PTPRG: variants seen among roughly 807,000 people sequenced by gnomAD.
PTPRG encodes protein tyrosine phosphatase receptor type G, also known as receptor-type tyrosine-protein phosphatase gamma.
In PTPRG, 102 loss-of-function variants were observed where a neutral mutation model predicts 165.3. That is an observed-to-expected ratio of 0.62 (90% CI 0.53 to 0.73). PTPRG has a LOEUF of 0.73. Ranked by LOEUF, PTPRG falls within the 30% of genes least tolerant of loss-of-function variation. The probability of loss-of-function intolerance (pLI) is 0.00; values close to 1 mark genes in which losing one functional copy is unlikely to be tolerated. For synonymous variants in PTPRG, 675 were observed against 669.5 expected, an observed-to-expected ratio of 1.01 and a Z score of -0.13; for missense variants, 1,866 against 1,861.4, an observed-to-expected ratio of 1.00 and a Z score of -0.05.
At chr3:61,786,245 G>A (rs534418482) in intron 2 of PTPRG, among the ~76,000 whole-genome samples, 271 of 152,314 alleles carry the variant, frequency 1.8e-3, no homozygotes, top group Non-Finnish European at 3.1e-3. Context: ...TTGGCCAATG[G>A]ACACTTTAGC....
chr3:62,292,574 GT>G lies in PTPRG; in HGVS notation c.4191+19del, dbSNP rs1702936817. ...CAGACATTGTAAGTAGTTTGCTTAT[GT>G]GTAAAACCTGTACTACATCAGTTGA... On this transcript the variant is annotated intron_variant, in intron 29 of 29. Coordinates refer to ENST00000474889, the MANE Select transcript of PTPRG (RefSeq NM_002841.4). 6.2e-7 allele frequency: 1 copy of G among 1,611,244 alleles called. No homozygotes were observed. The highest frequency in any genetic ancestry group is 1.3e-5 in the African/African-American group (1 of 74,796).
intron 5 of PTPRG, among the ~76,000 whole-genome samples, chr3:62,092,766 A>G (rs920784202): frequency 3.3e-5 from 5 of 152,212 alleles, no homozygotes; most frequent in African/African-American, 9.6e-5. Flanking sequence ...ACTGGTATGT[A>G]GTAAGTCCTC....
chr3:61,659,519 A>C (rs1702601409), intron 1 of PTPRG: 1 of 923,446 alleles, frequency 1.1e-6, no homozygotes, highest in Non-Finnish European at 1.3e-6. Context: ...CCTGATTTTG[A>C]GTGTTCATTT....
chr3:62,035,091 G>T (rs911187292), intron 4 of PTPRG, among the ~76,000 whole-genome samples: 1 of 152,052 alleles, frequency 6.6e-6, no homozygotes, highest in African/African-American at 2.4e-5. Context: ...TCAGGGAATG[G>T]CAAAACCCTC....
intron 2 of PTPRG, chr3:61,751,168 A>G (rs2033412591): frequency 6.6e-6 from 1 of 152,224 alleles, no homozygotes; most frequent in Non-Finnish European, 1.5e-5. Flanking sequence ...TCTCATGTCA[A>G]GAAGGCTTGG....
intron 10 of PTPRG, among the ~76,000 whole-genome samples, chr3:62,196,817 G>T (rs1470728848): frequency 6.6e-6 from 1 of 152,150 alleles, no homozygotes; most frequent in Non-Finnish European, 1.5e-5. Flanking sequence ...TGAAGGTTTG[G>T]ACATTTTCCC....
At chr3:61,861,301 GT>G (rs2037263484) in intron 2 of PTPRG, among the ~76,000 whole-genome samples, 1 of 151,980 alleles carries the variant, frequency 6.6e-6, no homozygotes, top group African/African-American at 2.4e-5. Context: ...CTTTTTCTTA[GT>G]GGGGAAAAAA....
At chr3:61,910,451 T>C (rs573238073) in intron 2 of PTPRG, among the ~76,000 whole-genome samples, 1 of 152,262 alleles carries the variant, frequency 6.6e-6, no homozygotes, top group South Asian at 2.1e-4. Context: ...AACTCACTGT[T>C]TTACCTTGCC....
intron 4 of PTPRG, among the ~76,000 whole-genome samples, chr3:62,052,548 A>G (rs1365537191): frequency 6.6e-6 from 1 of 152,200 alleles, no homozygotes; most frequent in Non-Finnish European, 1.5e-5. Context: ...TTTAAAATGT[A>G]ACCAGGCATG....
intron 1 of PTPRG, among the ~76,000 whole-genome samples, chr3:61,600,860 G>A (rs1357590871): frequency 6.6e-6 from 1 of 152,134 alleles, no homozygotes; most frequent in Non-Finnish European, 1.5e-5. Flanking sequence ...TTTTTAAAAT[G>A]TCTTAAAGTT....
At chr3:61,720,848 C>A (rs949950995) in intron 1 of PTPRG, among the ~76,000 whole-genome samples, 1 of 152,196 alleles carries the variant, frequency 6.6e-6, no homozygotes, top group Non-Finnish European at 1.5e-5. Flanking sequence ...AAATATTATC[C>A]AGTGGCAAAA....
At chr3:61,638,106 CA>C (rs1162666478) in intron 1 of PTPRG, among the ~76,000 whole-genome samples, 1 of 152,108 alleles carries the variant, frequency 6.6e-6, no homozygotes, top group Non-Finnish European at 1.5e-5. Flanking sequence ...TGCTGTTTTC[CA>C]AATCGTGGTA....
intron 1 of PTPRG, among the ~76,000 whole-genome samples, chr3:61,695,508 G>T (rs562659356): frequency 1.3e-5 from 2 of 152,160 alleles, no homozygotes. Context: ...AACAAGTTCC[G>T]TTGACTAAAG....
At chr3:61,827,468 T>C (rs1354823773) in intron 2 of PTPRG, among the ~76,000 whole-genome samples, 4 of 152,166 alleles carry the variant, frequency 2.6e-5, no homozygotes, top group Admixed American at 6.5e-5. Context: ...GCCTCACTCA[T>C]GGATCCAAGG....
intron 2 of PTPRG, among the ~76,000 whole-genome samples, chr3:61,875,680 CT>C (rs1559662892): frequency 1.3e-5 from 2 of 152,228 alleles, no homozygotes; most frequent in East Asian, 1.9e-4. Flanking sequence ...ACAGCACACA[CT>C]TTATAGGCCG....
chr3:61,978,930 T>G (rs775521648), intron 2 of PTPRG, among the ~76,000 whole-genome samples: 2 of 152,310 alleles, frequency 1.3e-5, no homozygotes, highest in Non-Finnish European at 2.9e-5. Flanking sequence ...CTGTTTGATC[T>G]TACACATACT....
rs1700712735 is a variant in PTPRG at position 62,224,246 on chromosome 3, G to A, written c.2288+5263G>A. On this transcript the variant is annotated intron_variant, in intron 13 of 29. Transcript: ENST00000474889. This position sits in a 1 kb window ranked among gnomAD's most constrained non-coding sequence, Gnocchi z 4.9. The stretch of plus-strand genomic sequence containing the variant: ...TTCCAGGTTGGCTGTATTAGAGTAA[G>A]CTTCATTGATGTTGCAGCAGACACA... Among the ~76,000 whole-genome samples, 1 of 152,198 alleles carries A rather than the reference G, an allele frequency of 6.6e-6. No individual in the cohort carries two copies. The highest frequency in any genetic ancestry group is 6.5e-5 in the Admixed American group (1 of 15,288).
intron 1 of PTPRG, among the ~76,000 whole-genome samples, chr3:61,593,696 T>C (rs150071466): frequency 1.0e-3 from 132 of 127,482 alleles, no homozygotes; most frequent in African/African-American, 3.6e-3. Context: ...GAAAAGGGGG[T>C]CAGGAAAACT....
At chr3:61,789,528 A>C (rs1019475750) in intron 2 of PTPRG, among the ~76,000 whole-genome samples, 1 of 152,254 alleles carries the variant, frequency 6.6e-6, no homozygotes, top group Non-Finnish European at 1.5e-5. Flanking sequence ...TAATTGCTAC[A>C]GTAGTGCAGC....
Sources: allele counts gnomAD v4.1 joint callset (sites outside exome capture counted in the v4.1 genomes callset), GRCh38; gene constraint gnomAD v4.1.1; non-coding constraint Gnocchi (gnomAD v3.1); transcripts MANE v1.5; gene names NCBI Gene and HGNC (gene_info 2026-07-23, HGNC 2026-07-21).